TRERF1: variants seen among roughly 807,000 people sequenced by gnomAD.
TRERF1 encodes the protein transcriptional-regulating factor 1.
In TRERF1, 27 loss-of-function variants were observed where a neutral mutation model predicts 122.9. The ratio of observed to expected loss-of-function variants is 0.22; its 90% CI spans 0.16 to 0.30. The LOEUF is 0.30. Among genes scored for constraint, TRERF1 ranks in the 10% least tolerant of loss-of-function variants. The pLI is 1.00. For missense variants in TRERF1, 1,248 were observed against 1,560.3 expected (o/e 0.80, Z 3.37); for synonymous variants, 636 against 641.7 (o/e 0.99, Z 0.13).
chr6:42,308,206 G>A (rs1441221193), intron 3 of TRERF1, among the ~76,000 whole-genome samples: 1 of 152,114 alleles, frequency 6.6e-6, no homozygotes, highest in Non-Finnish European at 1.5e-5. Flanking sequence ...CTGAAAAGGT[G>A]GAAAGAACCC....
At chr6:42,447,491 C>A (rs2151830723) in intron 2 of TRERF1, among the ~76,000 whole-genome samples, 1 of 152,368 alleles carries the variant, frequency 6.6e-6, no homozygotes, top group African/African-American at 2.4e-5. Context: ...CTTTATTTTA[C>A]TGGTTTCCCT....
At chr6:42,411,744 C>G (rs1351643228) in intron 2 of TRERF1, among the ~76,000 whole-genome samples, 1 of 152,104 alleles carries the variant, frequency 6.6e-6, no homozygotes, top group Non-Finnish European at 1.5e-5. Flanking sequence ...CCCAACAGAC[C>G]CCACAGAGAA....
At chr6:42,274,811 T>C (rs1355271644) in intron 4 of TRERF1, among the ~76,000 whole-genome samples, 1 of 152,226 alleles carries the variant, frequency 6.6e-6, no homozygotes, top group African/African-American at 2.4e-5. Flanking sequence ...ATTTTTTGAA[T>C]AGGTACTATA....
chr6:42,408,178 T>G (rs1780460412), intron 2 of TRERF1, among the ~76,000 whole-genome samples: 1 of 148,412 alleles, frequency 6.7e-6, no homozygotes, highest in African/African-American at 2.4e-5. Context: ...TTACAACTGT[T>G]TCCCTCTTCC....
intron 2 of TRERF1, among the ~76,000 whole-genome samples, chr6:42,395,666 C>A (rs1778459265): frequency 6.6e-6 from 1 of 152,178 alleles, no homozygotes; most frequent in Non-Finnish European, 1.5e-5. Flanking sequence ...GAGGGGCCTA[C>A]AAGCTAGCTG....
At chr6:42,277,200 G>GA (rs1428243126) in intron 4 of TRERF1, among the ~76,000 whole-genome samples, 1 of 152,166 alleles carries the variant, frequency 6.6e-6, no homozygotes, top group Non-Finnish European at 1.5e-5. Flanking sequence ...AGGCAGCCAT[G>GA]GTCTGAGTGG....
chr6:42,252,634 G>T (rs1486341132), intron 13 of TRERF1, among the ~76,000 whole-genome samples: 11 of 152,192 alleles, frequency 7.2e-5, no homozygotes, highest in Admixed American at 7.2e-4. Flanking sequence ...CATGGAGATG[G>T]GATTCACTGA....
intron 15 of TRERF1, among the ~76,000 whole-genome samples, chr6:42,237,978 C>T (rs1772644488): frequency 6.6e-6 from 1 of 152,178 alleles, no homozygotes; most frequent in Admixed American, 6.5e-5. Context: ...GTTAGAAGAC[C>T]TCAGTGAACA....
intron 3 of TRERF1, among the ~76,000 whole-genome samples, chr6:42,361,615 C>A (rs1022021497): frequency 3.9e-5 from 6 of 152,178 alleles, no homozygotes; most frequent in Non-Finnish European, 8.8e-5. Context: ...TCCCTCACAG[C>A]CGGCACATCT....
At chr6:42,437,427 TCA>T (rs1785659457) in intron 2 of TRERF1, among the ~76,000 whole-genome samples, 1 of 152,182 alleles carries the variant, frequency 6.6e-6, no homozygotes, top group South Asian at 2.1e-4. Context: ...GAATATGGCT[TCA>T]CAGTTCTCAA....
At chr6:42,288,220 T>C (rs1172256390) in intron 4 of TRERF1, among the ~76,000 whole-genome samples, 2 of 151,920 alleles carry the variant, frequency 1.3e-5, no homozygotes, top group Non-Finnish European at 2.9e-5. Flanking sequence ...AGTCTGGGTG[T>C]GTGCATGTCA....
chr6:42,246,590 T>C, intron 13 of TRERF1, 46 bp from the exon 14 acceptor site: 1 of 1,355,626 alleles, frequency 7.4e-7, no homozygotes, highest in Non-Finnish European at 1.0e-6. Flanking sequence ...CAGTTCCCCC[T>C]GCTTTTAGTT....
At chr6:42,387,121 AT>A (rs1349640529) in intron 2 of TRERF1, among the ~76,000 whole-genome samples, 2 of 152,118 alleles carry the variant, frequency 1.3e-5, no homozygotes, top group Admixed American at 6.5e-5. Context: ...ATTTAAAAAA[AT>A]TTTTTTGCTG....
intron 2 of TRERF1, among the ~76,000 whole-genome samples, chr6:42,408,406 A>T (rs1212587839): frequency 3.7e-5 from 4 of 108,548 alleles, no homozygotes; most frequent in African/African-American, 7.1e-5. Context: ...AAAGAGTCTC[A>T]CTCACTCTGT....
chr6:42,242,182 T>C (rs559574977), intron 15 of TRERF1, among the ~76,000 whole-genome samples: 32 of 152,348 alleles, frequency 2.1e-4, no homozygotes, highest in Admixed American at 1.8e-3. Context: ...TGTGTGACTA[T>C]GGCCAATTTG....
At chr6:42,346,746 C>G (rs969034162) in intron 3 of TRERF1, among the ~76,000 whole-genome samples, 1 of 152,196 alleles carries the variant, frequency 6.6e-6, no homozygotes, top group Non-Finnish European at 1.5e-5. Flanking sequence ...CCCAAGCAAA[C>G]CAGGACGAGT....
chr6:42,384,488 A>G (rs950044559), intron 2 of TRERF1, among the ~76,000 whole-genome samples: 3 of 152,228 alleles, frequency 2.0e-5, no homozygotes, highest in Admixed American at 2.0e-4. Context: ...AGATACCCCA[A>G]AAGCTAATAA....
chr6:42,264,199 T>G (rs775961741), intron 7 of TRERF1, among the ~76,000 whole-genome samples: 67 of 152,216 alleles, frequency 4.4e-4, no homozygotes, highest in Non-Finnish European at 8.5e-4. Context: ...AATTTGTGGA[T>G]AGTTTACTAT....
chr6:42,252,279 C>A (rs572714255), intron 13 of TRERF1, among the ~76,000 whole-genome samples: 1 of 152,184 alleles, frequency 6.6e-6, no homozygotes, highest in Admixed American at 6.5e-5. Flanking sequence ...TCTTAATGAA[C>A]GGCTTGGAGT....
Sources: allele counts gnomAD v4.1 joint callset (sites outside exome capture counted in the v4.1 genomes callset), GRCh38; gene constraint gnomAD v4.1.1; transcripts MANE v1.5; gene names NCBI Gene and HGNC (gene_info 2026-07-23, HGNC 2026-07-21).